Variants in CACNA1C observed in about 807,000 individuals in gnomAD.
CACNA1C encodes the protein voltage-dependent L-type calcium channel subunit alpha-1C.
Under a neutral mutation model 229.0 loss-of-function variants are expected in CACNA1C, and 30 were observed. The ratio of observed to expected loss-of-function variants is 0.13; its 90% CI spans 0.10 to 0.18. The LOEUF is 0.18. Ranked by LOEUF, CACNA1C falls within the 10% of genes least tolerant of loss-of-function variation. The probability of loss-of-function intolerance (pLI) is 1.00; values close to 1 mark genes in which losing one functional copy is unlikely to be tolerated. For synonymous variants in CACNA1C, 1,114 were observed against 1,132.5 expected, an observed-to-expected ratio of 0.98 and a Z score of 0.33; for missense variants, 1,658 against 2,845.0, an observed-to-expected ratio of 0.58 and a Z score of 9.49.
chr12:2,231,759 C>G (rs2065216774), intron 3 of CACNA1C, among the ~76,000 whole-genome samples: 1 of 152,090 alleles, frequency 6.6e-6, no homozygotes, highest in Non-Finnish European at 1.5e-5. Flanking sequence ...AAGCTGCTAA[C>G]AGTCTTGCAC....
intron 1 of CACNA1C, among the ~76,000 whole-genome samples, chr12:1,995,156 T>G (rs1016740876): frequency 4.6e-5 from 7 of 152,184 alleles, no homozygotes; most frequent in Admixed American, 4.6e-4. Flanking sequence ...AAATACAAAC[T>G]TATATTTGGT....
At chr12:2,235,352 A>G (rs376763079) in intron 3 of CACNA1C, among the ~76,000 whole-genome samples, 59 of 152,114 alleles carry the variant, frequency 3.9e-4, no homozygotes, top group African/African-American at 1.3e-3. Flanking sequence ...TCCAACACAG[A>G]TTTTCTCCCC....
intron 1 of CACNA1C, among the ~76,000 whole-genome samples, chr12:2,106,331 G>A (rs1322567370): frequency 2.4e-4 from 13 of 53,910 alleles, no homozygotes; most frequent in Admixed American, 7.2e-4. Context: ...CCCACCCCGG[G>A]GAGGGTTTCC....
At chr12:2,342,072 T>A (rs865781941) in intron 3 of CACNA1C, among the ~76,000 whole-genome samples, 5 of 152,174 alleles carry the variant, frequency 3.3e-5, no homozygotes, top group Admixed American at 6.5e-5. Flanking sequence ...CCAGACTGTT[T>A]CCAAAGAGTA....
chr12:2,694,236 CAT>C lies in CACNA1C; in HGVS notation c.*3038_*3039del, dbSNP rs2153899266. ...CAGAACAGACTGGCACAAGTAGTGA[CAT>C]CAATGAACCACAGCACAATCTTCCA... is the stretch of plus-strand genomic sequence containing the variant. On this transcript the variant is annotated 3_prime_UTR_variant, in exon 47 of 47. Coordinates refer to ENST00000399655, the MANE Select transcript of CACNA1C (RefSeq NM_000719.7). 6.6e-6 allele frequency: 1 copy of C among 152,370 alleles called. No individual in the cohort carries two copies. Among genetic ancestry groups the C allele is most frequent in the African/African-American group, 2.4e-5 (1 of 41,586 alleles). The allele number at this position is 152,370 out of a possible 1,614,324, so 9.4% of individuals were successfully genotyped here.
chr12:2,584,574 C>A lies in CACNA1C; in HGVS notation c.2296C>A (p.Gln766Lys), dbSNP rs756756255. The A allele has an allele frequency of 1.1e-5, 17 of 1,613,532 alleles. No individual in the cohort carries two copies. Among genetic ancestry groups the A allele is most frequent in the Non-Finnish European group, 1.4e-5 (17 of 1,179,618 alleles). Reference protein sequence around the residue: ...LADAESLTSAQKEEEEEKERK... With the variant: ...LADAESLTSAKKEEEEEKERK... The stretch of plus-strand genomic sequence containing the variant: ...TGATGCTGAGAGCCTCACATCTGCC[C>A]AAAAGGAGGAGGAAGAGGAGAAGGA... The change falls in exon 16 of 47, where the codon CAA becomes AAA. Residue 766 changes from glutamine to lysine, a missense_variant. By Grantham distance (53) the Gln-to-Lys change is moderately conservative (BLOSUM62 1). Coordinates refer to ENST00000399655, the MANE Select transcript of CACNA1C (RefSeq NM_000719.7).
intron 45 of CACNA1C, 40 bp from the exon 46 acceptor site, chr12:2,688,407 C>T (rs770485000): frequency 2.5e-5 from 40 of 1,589,894 alleles, no homozygotes; most frequent in Non-Finnish European, 3.2e-5. Flanking sequence ...TGTTTGGGGT[C>T]GGCCACTCCT....
chr12:1,983,866 C>T (rs1461545117), intron 1 of CACNA1C, among the ~76,000 whole-genome samples: 1 of 151,886 alleles, frequency 6.6e-6, no homozygotes, highest in African/African-American at 2.4e-5. Flanking sequence ...AAAACTTCTC[C>T]TTTCGGTTCT....
chr12:1,988,086 C>T (rs1356794047), intron 1 of CACNA1C, among the ~76,000 whole-genome samples: 2 of 152,184 alleles, frequency 1.3e-5, no homozygotes, highest in Non-Finnish European at 2.9e-5. Context: ...CTGGGAGATT[C>T]CCTTCTTCCT....
At chr12:2,246,490 G>A (rs1282463300) in intron 3 of CACNA1C, among the ~76,000 whole-genome samples, 1 of 152,154 alleles carries the variant, frequency 6.6e-6, no homozygotes, top group African/African-American at 2.4e-5. Flanking sequence ...AGTAATAGCA[G>A]CTAACACTTA....
At chr12:2,320,756 C>G (rs1184133457) in intron 3 of CACNA1C, among the ~76,000 whole-genome samples, 1 of 152,214 alleles carries the variant, frequency 6.6e-6, no homozygotes, top group Non-Finnish European at 1.5e-5. Flanking sequence ...GAAAAGCTCT[C>G]TATTAAATCA....
intron 3 of CACNA1C, among the ~76,000 whole-genome samples, chr12:2,415,455 G>C (rs1025913340): frequency 5.9e-5 from 9 of 152,194 alleles, no homozygotes; most frequent in African/African-American, 2.2e-4. Context: ...TCATGAAAAG[G>C]AAATATTCAG....
At chr12:2,469,565 C>G (rs866246904) in intron 5 of CACNA1C, among the ~76,000 whole-genome samples, 3 of 152,172 alleles carry the variant, frequency 2.0e-5, no homozygotes, top group South Asian at 4.1e-4. Context: ...TTCAGTGTTG[C>G]TTCCAGTTCT....
chr12:2,296,628 C>T (rs561454540), intron 3 of CACNA1C, among the ~76,000 whole-genome samples: 1 of 152,180 alleles, frequency 6.6e-6, no homozygotes, highest in East Asian at 1.9e-4. Context: ...CTGCCTTAGG[C>T]TTTTCCACCT....
chr12:2,682,892 CAG>C (rs1419656215), intron 43 of CACNA1C, among the ~76,000 whole-genome samples: 249 of 72,160 alleles, frequency 3.5e-3, no homozygotes, highest in South Asian at 6.9e-3. Flanking sequence ...CACACACACA[CAG>C]ACACACACAA....
At chr12:2,466,289 C>T (rs148776370) in intron 5 of CACNA1C, among the ~76,000 whole-genome samples, 386 of 152,310 alleles carry the variant, frequency 2.5e-3, no homozygotes, top group African/African-American at 8.4e-3. Flanking sequence ...GCAATCCCAT[C>T]GTGGCTCCCA....
At chr12:2,541,979 A>G (rs1421850427) in intron 9 of CACNA1C, among the ~76,000 whole-genome samples, 7 of 152,284 alleles carry the variant, frequency 4.6e-5, no homozygotes, top group Admixed American at 2.0e-4. Flanking sequence ...GATATTCTCT[A>G]TGAGGATGGT....
intron 3 of CACNA1C, among the ~76,000 whole-genome samples, chr12:2,201,397 C>T (rs2097576897): frequency 6.6e-6 from 1 of 152,148 alleles, no homozygotes; most frequent in Admixed American, 6.5e-5. Context: ...GCTACAAACC[C>T]ACTAACACTT....
intron 1 of CACNA1C, among the ~76,000 whole-genome samples, chr12:2,039,946 T>C (rs1487853053): frequency 1.3e-5 from 2 of 152,114 alleles, no homozygotes; most frequent in Non-Finnish European, 2.9e-5. Flanking sequence ...GTAGGATTTA[T>C]GCAAAGAGGA....
Sources: allele counts gnomAD v4.1 joint callset (sites outside exome capture counted in the v4.1 genomes callset), GRCh38; gene constraint gnomAD v4.1.1; transcripts MANE v1.5; gene names NCBI Gene and HGNC (gene_info 2026-07-23, HGNC 2026-07-21).